The following GPR183 variants were observed in gnomAD, a reference collection of about 807,000 sequenced individuals.
GPR183 encodes EBV-induced G-protein coupled receptor 2.
GPR183 carries 9 observed loss-of-function variants against 19.7 expected under a neutral mutation model. The observed-to-expected ratio is 0.46, with a 90% CI of 0.28 to 0.80. The LOEUF (loss-of-function observed/expected upper bound fraction) is 0.80, where lower values mean the gene tolerates loss of function less well. Among genes scored for constraint, GPR183 ranks in the 30% least tolerant of loss-of-function variants. The probability of loss-of-function intolerance (pLI) is 0.13; values close to 1 mark genes in which losing one functional copy is unlikely to be tolerated. For missense variants in GPR183, 368 were observed against 446.7 expected (o/e 0.82, Z 1.59); for synonymous variants, 160 against 155.1 (o/e 1.03, Z -0.24).
In GPR183 at chr13:99,295,053, A is replaced by G. The variant is rs531214121; in HGVS notation, c.*7T>C. On this transcript the variant is annotated 3_prime_UTR_variant, in exon 2 of 2. Coordinates refer to ENST00000376414, the MANE Select transcript of GPR183 (RefSeq NM_004951.5). This position sits in a 1 kb window ranked among gnomAD's most constrained non-coding sequence, Gnocchi z 4.1. ...TTACGTCACTATAAACCAAAATACA[A>G]TCCATTTCACTTTCCATTTGAAGAC... 1.9e-6 allele frequency: 3 copies of G among 1,610,962 alleles called. No homozygotes were observed. Among genetic ancestry groups the G allele is most frequent in the South Asian group, 2.2e-5 (2 of 90,626 alleles).
Position 99,296,001 on chromosome 13 carries a change from T to C in GPR183, c.145A>G (p.Asn49Asp). 6.2e-7 allele frequency: 1 copy of C among 1,614,178 alleles called. No individual in the cohort carries two copies. The highest frequency in any genetic ancestry group is 8.5e-7 in the Non-Finnish European group (1 of 1,180,016). Residue 49 changes from asparagine to aspartate, a missense_variant, in exon 2 of 2, where the codon AAC becomes GAC. Asn to Asp is a conservative substitution (Grantham distance 23, BLOSUM62 1). Transcript: ENST00000376414. ...ACAATGACGACCAAGGCTAGTAAGT[T>C]TCCCACGAGCCCAATGATGAAGACG... ...SLVFIIGLVG[N>D]LLALVVIVQN...
Position 99,295,778 on chromosome 13 carries a change from G to A in GPR183, c.368C>T (p.Thr123Ile). ...INTYAGVNFM[T>I]CLSIDRFIAV... ...AATGAAGCGGTCAATACTCAGGCAGGTCATAAAGTTCACACCTGCATATGT... is the reference window on the plus strand; with the variant it reads ...AATGAAGCGGTCAATACTCAGGCAGATCATAAAGTTCACACCTGCATATGT... Residue 123 changes from threonine to isoleucine, a missense_variant, in exon 2 of 2, where the codon ACC becomes ATC. By Grantham distance (89) the Thr-to-Ile change is moderately conservative. Transcript: ENST00000376414. The surrounding 1 kb of genome is among the most constrained non-coding windows in gnomAD (Gnocchi z 4.1). 1 of 1,613,888 alleles carries A rather than the reference G, an allele frequency of 6.2e-7. No individual in the cohort carries two copies. Among genetic ancestry groups the A allele is most frequent in the Non-Finnish European group, 8.5e-7 (1 of 1,179,836 alleles).
intron 1 of GPR183, among the ~76,000 whole-genome samples, chr13:99,297,982 TTAA>T (rs2044201571): frequency 6.6e-5 from 10 of 152,022 alleles, no homozygotes; most frequent in Admixed American, 5.9e-4. Context: ...AAATTCAATA[TTAA>T]TAGGAATACA....
intron 1 of GPR183, among the ~76,000 whole-genome samples, chr13:99,303,788 T>C (rs373092915): frequency 3.5e-4 from 53 of 152,324 alleles, no homozygotes; most frequent in Non-Finnish European, 7.3e-4. Context: ...GGGAGGAACA[T>C]TAAATATCAT....
At chr13:99,306,210 T>C (rs1015405845) in intron 1 of GPR183, among the ~76,000 whole-genome samples, 12 of 152,172 alleles carry the variant, frequency 7.9e-5, no homozygotes, top group African/African-American at 2.4e-4. Context: ...TCAGGGTCTT[T>C]ATGTAAAATA....
chr13:99,295,461 G>T lies in GPR183; in HGVS notation c.685C>A (p.Gln229Lys), dbSNP rs536972084. 1.3e-4 allele frequency: 217 copies of T among 1,613,998 alleles called. 2 individuals are homozygous for T. In the South Asian group the frequency reaches 1.5e-3, roughly 11 times the overall value. The part of the protein sequence containing the change: ...ICCKLFRTAK[Q>K]NPLTEKSGVN... ...CCAGATTTCTCAGTGAGTGGGTTTT[G>T]TTTGGCAGTTCTGAAGAGTTTGCAG... The change falls in exon 2 of 2, where the codon CAA (glutamine) becomes AAA (lysine). Residue 229 changes from glutamine to lysine, a missense_variant. Physicochemically the swap from Gln to Lys is moderately conservative, Grantham distance 53 (BLOSUM62 1). Transcript: ENST00000376414. This position sits in a 1 kb window ranked among gnomAD's most constrained non-coding sequence, Gnocchi z 4.1.
Position 99,294,797 on chromosome 13 carries a change from G to A in GPR183, c.*263C>T, listed in dbSNP as rs1341075017. 6.8e-6 allele frequency: 2 copies of A among 294,900 alleles called. No homozygotes were observed. The highest frequency in any genetic ancestry group is 1.2e-5 in the Non-Finnish European group (2 of 160,320). 18.3% of individuals were successfully genotyped at this position (294,900 alleles called of 1,614,324 possible). On this transcript the variant is annotated 3_prime_UTR_variant, in exon 2 of 2. Coordinates refer to ENST00000376414, the MANE Select transcript of GPR183 (RefSeq NM_004951.5). The stretch of plus-strand genomic sequence containing the variant: ...TTATTAAAACAAAACTTTTTACATT[G>A]GGAGTTATTAAGAGCGCCTCCTTTT...
At chr13:99,303,111 C>T (rs1365181218) in intron 1 of GPR183, among the ~76,000 whole-genome samples, 1 of 152,148 alleles carries the variant, frequency 6.6e-6, no homozygotes, top group Non-Finnish European at 1.5e-5. Context: ...GCCTGCCAAC[C>T]CCATTGCATA....
intron 1 of GPR183, among the ~76,000 whole-genome samples, chr13:99,297,121 C>G (rs1245699391): frequency 6.6e-6 from 1 of 152,060 alleles, no homozygotes; most frequent in African/African-American, 2.4e-5. Context: ...TGGATTCTTT[C>G]CAATTCTTTT....
At chr13:99,304,644 G>A (rs1220336771) in intron 1 of GPR183, among the ~76,000 whole-genome samples, 4 of 152,232 alleles carry the variant, frequency 2.6e-5, no homozygotes, top group African/African-American at 9.6e-5. Context: ...AGCAGAGACT[G>A]TGTTCCAGGC....
chr13:99,305,120 G>A (rs528051036), intron 1 of GPR183, among the ~76,000 whole-genome samples: 11 of 152,188 alleles, frequency 7.2e-5, no homozygotes, highest in Admixed American at 4.6e-4. Flanking sequence ...CTGAAATTTC[G>A]ATTGAAAAAA....
chr13:99,296,175 C>A lies in GPR183; in HGVS notation c.-18-12G>T, dbSNP rs373435446. 40 of 1,534,762 alleles carry A rather than the reference C, an allele frequency of 2.6e-5. No homozygotes were observed. The highest frequency in any genetic ancestry group is 3.3e-5 in the Non-Finnish European group (38 of 1,143,120). ...GGTGGTCCAGGTGTCTAGAAAAAAA[C>A]CAAGAAGGATCATATAAGTAAAAGC... is the stretch of plus-strand genomic sequence containing the variant. On this transcript the variant is annotated splice_polypyrimidine_tract_variant and intron_variant, in intron 1 of 1. Transcript: ENST00000376414.
chr13:99,295,496 G>C lies in GPR183; in HGVS notation c.650C>G (p.Ser217Cys). 6.2e-7 allele frequency: 1 copy of C among 1,613,958 alleles called. No individual in the cohort carries two copies. The highest frequency in any genetic ancestry group is 1.1e-5 in the South Asian group (1 of 91,070). ...TCTGAAGAGTTTGCAGCAGATCTGA[G>C]AATAGCAGATGAGAATGATTATAAG... ...LPLIIILICYSQICCKLFRTA... is the reference protein window; with the variant it reads ...LPLIIILICYCQICCKLFRTA... The change falls in exon 2 of 2, where the codon TCT becomes TGT. Residue 217 changes from serine (S) to cysteine (C), a missense_variant. By Grantham distance (112) the Ser-to-Cys change is moderately radical. Transcript: ENST00000376414. This position sits in a 1 kb window ranked among gnomAD's most constrained non-coding sequence, Gnocchi z 4.1.
chr13:99,296,204 T>C (rs2044170740), intron 1 of GPR183, 41 bp from the exon 2 acceptor site: 5 of 1,478,886 alleles, frequency 3.4e-6, no homozygotes, highest in Admixed American at 2.4e-5. Context: ...TAAAAGCATA[T>C]GTATTCAGTT....
chr13:99,304,668 C>T (rs968560951), intron 1 of GPR183, among the ~76,000 whole-genome samples: 2 of 152,166 alleles, frequency 1.3e-5, no homozygotes, highest in East Asian at 3.8e-4. Flanking sequence ...GCCCTGGGCA[C>T]TCTATGTGTG....
At position 99,294,811 on chromosome 13, in the gene GPR183, G is replaced by C. The variant is rs1364203690; in HGVS notation, c.*249C>G. 1 of 333,230 alleles carries C rather than the reference G, an allele frequency of 3.0e-6. No homozygotes were observed. Among genetic ancestry groups the C allele is most frequent in the Non-Finnish European group, 5.4e-6 (1 of 184,286 alleles). The allele number at this position is 333,230 out of a possible 1,614,324, so 20.6% of individuals were successfully genotyped here. A position where few individuals can be genotyped will look rare whatever the true frequency, so the allele number is the denominator to read the frequency against. On this transcript the variant is annotated 3_prime_UTR_variant, in exon 2 of 2. Transcript: ENST00000376414. Reference sequence around the variant, plus strand: ...CTTTTTACATTGGGAGTTATTAAGAGCGCCTCCTTTTGGTGTATTCGTTTA... The same window carrying C: ...CTTTTTACATTGGGAGTTATTAAGACCGCCTCCTTTTGGTGTATTCGTTTA...
At chr13:99,305,125 A>G (rs2044313234) in intron 1 of GPR183, among the ~76,000 whole-genome samples, 1 of 152,180 alleles carries the variant, frequency 6.6e-6, no homozygotes, top group South Asian at 2.1e-4. Flanking sequence ...ATTTCGATTG[A>G]AAAAAGATGG....
chr13:99,303,029 C>T (rs897219043), intron 1 of GPR183, among the ~76,000 whole-genome samples: 3 of 151,974 alleles, frequency 2.0e-5, no homozygotes, highest in Middle Eastern at 3.2e-3. Flanking sequence ...TGGGGGCTTG[C>T]TTTCTGGCTT....
chr13:99,306,188 AC>A (rs2044331810), intron 1 of GPR183, among the ~76,000 whole-genome samples: 1 of 152,126 alleles, frequency 6.6e-6, no homozygotes, highest in Non-Finnish European at 1.5e-5. Context: ...GAGCCACCAC[AC>A]CCAGCCTGAT....
Sources: gnomAD v4.1 joint callset for allele counts (sites outside exome capture counted in the v4.1 genomes callset) on GRCh38, gnomAD v4.1.1 for gene constraint, Gnocchi (gnomAD v3.1) non-coding constraint, MANE v1.5 for transcripts, NCBI Gene and HGNC (gene_info 2026-07-23, HGNC 2026-07-21) for gene names.